The following TOP3B variants were observed in gnomAD, a reference collection of about 807,000 sequenced individuals.
TOP3B encodes the protein DNA topoisomerase 3-beta-1.
Under a neutral mutation model 93.9 loss-of-function variants are expected in TOP3B, and 45 were observed. That is an observed-to-expected ratio of 0.48 (90% CI 0.38 to 0.61). The LOEUF is 0.61. TOP3B is among the 20% of genes least tolerant of loss of function. The pLI is 0.00. For missense variants in TOP3B, 750 were observed against 1,156.1 expected, an observed-to-expected ratio of 0.65 and a Z score of 5.09; for synonymous variants, 357 against 472.6, an observed-to-expected ratio of 0.76 and a Z score of 3.17.
chr22:21,964,902 G>T, intron 9 of TOP3B: 1 of 179,366 alleles, frequency 5.6e-6, no homozygotes, highest in Non-Finnish European at 1.2e-5. Context: ...TTCCCTGCGG[G>T]GGTGGGGGGC....
chr22:21,969,994 T>C, intron 6 of TOP3B: 1 of 472,718 alleles, frequency 2.1e-6, no homozygotes, highest in South Asian at 3.6e-5. Flanking sequence ...GGTCTCAAAC[T>C]GCCAACCTCA....
chr22:21,958,714 T>G lies in TOP3B; in HGVS notation c.1906-21A>C, dbSNP rs1601808261. 2.5e-6 allele frequency: 4 copies of G among 1,581,244 alleles called. No individual in the cohort carries two copies. The East Asian group carries it at 6.8e-5, about 27-fold the overall frequency. On this transcript the variant is annotated intron_variant, in intron 16 of 17. Transcript: ENST00000357179. The stretch of plus-strand genomic sequence containing the variant: ...TTGGCCTGCGGCAATGCCAGGCAGG[T>G]GGCGTGAGGGTCACTGGGGCCACCG...
At position 21,958,399 on chromosome 22, in the gene TOP3B, G is replaced by C. The variant is rs764501703; in HGVS notation, c.2107+93C>G. 10 of 1,591,742 alleles carry C rather than the reference G, an allele frequency of 6.3e-6. No homozygotes were observed. In the African/African-American group the frequency reaches 1.3e-4, roughly 21 times the overall value. On this transcript the variant is annotated intron_variant, in intron 17 of 17. Transcript: ENST00000357179. Reference sequence around the variant, plus strand: ...GAGTGCAGGAAAGGCCAGGGTGAGGGGTCCCCTCAGAGTCCAGCCTGGTGC... The same window carrying C: ...GAGTGCAGGAAAGGCCAGGGTGAGGCGTCCCCTCAGAGTCCAGCCTGGTGC...
In TOP3B at chr22:21,971,605, C is replaced by T. The variant is rs149770833; in HGVS notation, c.384+272G>A. Reference sequence around the variant, plus strand: ...CCCCAAGACAATCCCATTCTGAAACCTGCATCCACCCAGACAATTTGGCCC... The same window carrying T: ...CCCCAAGACAATCCCATTCTGAAACTTGCATCCACCCAGACAATTTGGCCC... On this transcript the variant is annotated intron_variant, in intron 5 of 17. Transcript: ENST00000357179. The surrounding 1 kb of genome is among the most constrained non-coding windows in gnomAD (Gnocchi z 4.6). 519 of 492,582 alleles carry T rather than the reference C, an allele frequency of 1.1e-3. 2 individuals are homozygous for T. The highest frequency in any genetic ancestry group is 9.5e-3 in the African/African-American group (489 of 51,276). 30.5% of individuals were successfully genotyped at this position (492,582 alleles called of 1,614,324 possible).
chr22:21,959,976 A>G (rs2071095858), intron 14 of TOP3B: 1 of 637,882 alleles, frequency 1.6e-6, no homozygotes, highest in Non-Finnish European at 2.7e-6. Context: ...TCCTGTGGCT[A>G]GAACCACATC....
chr22:21,978,344 G>A (rs750785409), intron 1 of TOP3B, among the ~76,000 whole-genome samples: 1 of 152,056 alleles, frequency 6.6e-6, no homozygotes, highest in Non-Finnish European at 1.5e-5. Flanking sequence ...TTTGGGAGGC[G>A]AAGGCAAGAG....
intron 1 of TOP3B, among the ~76,000 whole-genome samples, chr22:21,980,643 G>A (rs17760000): frequency 6.6e-6 from 1 of 152,166 alleles, no homozygotes; most frequent in African/African-American, 2.4e-5. Context: ...GTGGAATGAC[G>A]ACACTGTCTG....
intron 14 of TOP3B, 92 bp downstream of exon 14, chr22:21,960,229 C>A: frequency 6.3e-7 from 1 of 1,575,902 alleles, no homozygotes; most frequent in Non-Finnish European, 8.7e-7. Context: ...CACTGTAGGG[C>A]AGGGGCCTGT....
Position 21,962,174 on chromosome 22 carries a change from T to C in TOP3B, c.1525+255A>G, listed in dbSNP as rs144425288. 1.3e-3 allele frequency: 1,863 copies of C among 1,424,568 alleles called. 19 individuals carry two copies. In the African/African-American group the frequency reaches 0.024, roughly 18 times the overall value. The allele number at this position is 1,424,568 out of a possible 1,614,324, so 88.2% of individuals were successfully genotyped here. On this transcript the variant is annotated intron_variant, in intron 13 of 17. Transcript: ENST00000357179. Reference sequence around the variant, plus strand: ...AGCCTTGTGGGCGTTAGTCGGTGTGTGCACACCCCACAGTGCACGAGGGCA... The same window carrying C: ...AGCCTTGTGGGCGTTAGTCGGTGTGCGCACACCCCACAGTGCACGAGGGCA...
At chr22:21,976,159 C>T (rs1376134797) in intron 1 of TOP3B, 1 of 153,286 alleles carries the variant, frequency 6.5e-6, no homozygotes, top group Non-Finnish European at 1.5e-5. Flanking sequence ...CCTCTCTGGA[C>T]TGGCTCTTCC....
intron 9 of TOP3B, 75 bp downstream of exon 9, chr22:21,965,210 C>T (rs2071366767): frequency 9.1e-7 from 1 of 1,099,850 alleles, no homozygotes; most frequent in East Asian, 2.8e-5. Flanking sequence ...TCCTGCAACC[C>T]TGGGCACTCG....
intron 13 of TOP3B, chr22:21,961,530 C>T (rs1016215279): frequency 2.0e-5 from 3 of 152,506 alleles, no homozygotes; most frequent in Non-Finnish European, 4.4e-5. Flanking sequence ...AGAGCCCACA[C>T]TCCACAGTGG....
At chr22:21,975,348 G>C (rs2071819782) in intron 2 of TOP3B, 1 of 293,892 alleles carries the variant, frequency 3.4e-6, no homozygotes, top group African/African-American at 2.2e-5. Context: ...TCCTTCCAGG[G>C]CTGGTTTCTA....
chr22:21,966,292 T>C (rs919471095), intron 8 of TOP3B: 2 of 152,096 alleles, frequency 1.3e-5, no homozygotes, highest in African/African-American at 2.4e-5. Flanking sequence ...AATATTCTTT[T>C]CTGGAGAATT....
chr22:21,974,055 T>C (rs968245276), intron 3 of TOP3B: 1 of 228,146 alleles, frequency 4.4e-6, no homozygotes, highest in African/African-American at 2.3e-5. Flanking sequence ...TTCTCTTAAA[T>C]GCCTGCACAG....
chr22:21,977,733 A>G (rs983276072), intron 1 of TOP3B: 1 of 152,146 alleles, frequency 6.6e-6, no homozygotes, highest in African/African-American at 2.4e-5. Flanking sequence ...ATGTGCAGCA[A>G]TTCAGGGATC....
intron 9 of TOP3B, 67 bp from the exon 10 acceptor site, chr22:21,964,382 A>G (rs1018458663): frequency 1.0e-5 from 16 of 1,580,352 alleles, no homozygotes; most frequent in Non-Finnish European, 1.2e-5. Context: ...GCCCTGGCCT[A>G]TGCACTCAGG....
intron 1 of TOP3B, among the ~76,000 whole-genome samples, chr22:21,980,361 A>G (rs1472490458): frequency 6.6e-6 from 1 of 152,206 alleles, no homozygotes; most frequent in African/African-American, 2.4e-5. Flanking sequence ...GGAGGGTTGT[A>G]AAGGGCATTG....
intron 9 of TOP3B, 109 bp from the exon 10 acceptor site, chr22:21,964,424 GT>G: frequency 7.4e-7 from 1 of 1,355,352 alleles, no homozygotes; most frequent in Non-Finnish European, 1.0e-6. Flanking sequence ...CTCCTGGAGG[GT>G]GACGGTGGCT....
Sources: allele counts gnomAD v4.1 joint callset (sites outside exome capture counted in the v4.1 genomes callset), GRCh38; gene constraint gnomAD v4.1.1; non-coding constraint Gnocchi (gnomAD v3.1); transcripts MANE v1.5; gene names NCBI Gene and HGNC (gene_info 2026-07-23, HGNC 2026-07-21).